ARHGAP24: variants seen among roughly 807,000 people sequenced by gnomAD.
ARHGAP24 encodes Rho GTPase activating protein 24.
ARHGAP24 carries 50 observed loss-of-function variants against 76.4 expected under a neutral mutation model. The ratio of observed to expected loss-of-function variants is 0.65; its 90% CI spans 0.52 to 0.83. ARHGAP24 has a LOEUF of 0.83. Among genes scored for constraint, ARHGAP24 ranks in the 40% least tolerant of loss-of-function variants. The probability of loss-of-function intolerance (pLI) is 0.00; values close to 1 mark genes in which losing one functional copy is unlikely to be tolerated. For missense variants in ARHGAP24, 930 were observed against 914.2 expected (o/e 1.02, Z -0.22); for synonymous variants, 345 against 323.3 (o/e 1.07, Z -0.72).
chr4:85,709,981 C>A (rs1724464109), intron 2 of ARHGAP24, among the ~76,000 whole-genome samples: 1 of 152,000 alleles, frequency 6.6e-6, no homozygotes, highest in Admixed American at 6.6e-5. Context: ...TATCAAATTA[C>A]CAATGACATT....
At chr4:85,550,314 AT>A (rs1726079429) in intron 1 of ARHGAP24, among the ~76,000 whole-genome samples, 1 of 152,152 alleles carries the variant, frequency 6.6e-6, no homozygotes, top group African/African-American at 2.4e-5. Flanking sequence ...TTCTTTCCCC[AT>A]TGCTTGTTTT....
intron 3 of ARHGAP24, among the ~76,000 whole-genome samples, chr4:85,773,810 TAAC>T (rs1315596552): frequency 6.6e-6 from 1 of 152,150 alleles, no homozygotes; most frequent in Non-Finnish European, 1.5e-5. Context: ...ATCAATGAGA[TAAC>T]AAGAAATTAT....
At chr4:85,943,308 A>G (rs1737056805) in intron 5 of ARHGAP24, among the ~76,000 whole-genome samples, 1 of 152,150 alleles carries the variant, frequency 6.6e-6, no homozygotes, top group African/African-American at 2.4e-5. Context: ...TATAAACAAA[A>G]TTTATTTCTG....
Position 85,585,073 on chromosome 4 carries a change from A to G in ARHGAP24, c.180+14352A>G, listed in dbSNP as rs114008557. 4.5e-3 allele frequency among the ~76,000 whole-genome samples: 687 copies of G among 152,306 alleles called. 2 individuals carry two copies. The highest frequency in any genetic ancestry group is 7.5e-3 in the Non-Finnish European group (508 of 68,024). On this transcript the variant is annotated intron_variant, in intron 2 of 9. Transcript: ENST00000395184. ...CATTTTTTTTGCAATAATTCATGAA[A>G]TAGCCTCTTTTAGCTCTATGGGCAT...
intron 3 of ARHGAP24, among the ~76,000 whole-genome samples, chr4:85,755,358 G>A (rs1374485851): frequency 6.6e-6 from 1 of 152,008 alleles, no homozygotes; most frequent in East Asian, 1.9e-4. Context: ...TGTACATGAG[G>A]TTAGACACCA....
At chr4:85,976,705 A>G (rs772571095) in intron 7 of ARHGAP24, among the ~76,000 whole-genome samples, 1 of 152,100 alleles carries the variant, frequency 6.6e-6, no homozygotes, top group Non-Finnish European at 1.5e-5. Flanking sequence ...GCACCTAATA[A>G]ATAGAAACAG....
intron 3 of ARHGAP24, among the ~76,000 whole-genome samples, chr4:85,859,212 T>TACACACACACACACAC (rs10645010): frequency 0.024 from 3,546 of 145,442 alleles, 79 homozygotes; most frequent in South Asian, 0.077. Flanking sequence ...GCCACATGCA[T>TACACACACACACACAC]ACACACACAC....
At chr4:85,989,229 A>G (rs979606415) in intron 8 of ARHGAP24, among the ~76,000 whole-genome samples, 1 of 151,682 alleles carries the variant, frequency 6.6e-6, no homozygotes, top group Non-Finnish European at 1.5e-5. Flanking sequence ...GGTCTTACAG[A>G]TGTTAAAATA....
chr4:85,874,831 AAAATATATTTTTATATAATTTATATAT>A (rs1560688076), intron 3 of ARHGAP24, among the ~76,000 whole-genome samples: 9 of 6,708 alleles, frequency 1.3e-3, no homozygotes, highest in African/African-American at 4.2e-3. Flanking sequence ...ATTTATATAT[AAAATATATTTTTATATAATTTATATAT>A]AAATATATTT....
At chr4:85,828,464 C>T (rs1465258845) in intron 3 of ARHGAP24, among the ~76,000 whole-genome samples, 1 of 150,620 alleles carries the variant, frequency 6.6e-6, no homozygotes, top group Non-Finnish European at 1.5e-5. Flanking sequence ...TGTGTAATTG[C>T]TTGTCAAAAT....
At chr4:85,545,979 G>A (rs949252299) in intron 1 of ARHGAP24, among the ~76,000 whole-genome samples, 2 of 152,144 alleles carry the variant, frequency 1.3e-5, no homozygotes, top group African/African-American at 4.8e-5. Context: ...AATCTCTGTA[G>A]CCATACTACC....
intron 2 of ARHGAP24, among the ~76,000 whole-genome samples, chr4:85,620,935 G>T (rs1720696895): frequency 6.6e-6 from 1 of 151,820 alleles, no homozygotes; most frequent in South Asian, 2.1e-4. Context: ...TGAATTCTTT[G>T]TTTCTCCTTT....
At chr4:85,662,441 C>G (rs892003035) in intron 2 of ARHGAP24, among the ~76,000 whole-genome samples, 2 of 150,736 alleles carry the variant, frequency 1.3e-5, no homozygotes, top group African/African-American at 5.0e-5. Context: ...GAGTTCGTTG[C>G]GAAAATTTTC....
intron 3 of ARHGAP24, among the ~76,000 whole-genome samples, chr4:85,855,707 G>A (rs1731514131): frequency 6.6e-6 from 1 of 151,854 alleles, no homozygotes; most frequent in Non-Finnish European, 1.5e-5. Context: ...GAACCCAGGA[G>A]GTGGAGGTTG....
At chr4:85,849,755 G>T (rs1199880746) in intron 3 of ARHGAP24, among the ~76,000 whole-genome samples, 1 of 152,098 alleles carries the variant, frequency 6.6e-6, no homozygotes, top group African/African-American at 2.4e-5. Context: ...TACGTTTATT[G>T]ATTTGCATAT....
intron 8 of ARHGAP24, among the ~76,000 whole-genome samples, chr4:85,987,427 A>G (rs529457448): frequency 1.6e-3 from 239 of 152,238 alleles, no homozygotes; most frequent in Middle Eastern, 3.4e-3. Flanking sequence ...CCATACAACT[A>G]AAAACTACAA....
intron 1 of ARHGAP24, among the ~76,000 whole-genome samples, chr4:85,500,899 T>C (rs1222197381): frequency 7.3e-6 from 1 of 137,700 alleles, no homozygotes; most frequent in Non-Finnish European, 1.6e-5. Context: ...GGCCCTGGTG[T>C]GTGATGTTCC....
At chr4:85,925,849 G>C (rs1045212986) in intron 4 of ARHGAP24, among the ~76,000 whole-genome samples, 15 of 152,028 alleles carry the variant, frequency 9.9e-5, no homozygotes, top group Non-Finnish European at 2.9e-5. Context: ...GGGTTTGTGG[G>C]GAGCCTGAGG....
intron 4 of ARHGAP24, chr4:85,930,512 G>A: frequency 1.1e-5 from 11 of 1,007,150 alleles, no homozygotes; most frequent in Non-Finnish European, 1.3e-5. Context: ...CTTGCACAGA[G>A]CTATTTGCTG....
Sources: gnomAD v4.1 joint callset for allele counts (sites outside exome capture counted in the v4.1 genomes callset) on GRCh38, gnomAD v4.1.1 for gene constraint, MANE v1.5 for transcripts, NCBI Gene and HGNC (gene_info 2026-07-23, HGNC 2026-07-21) for gene names.